The following DNAH9 variants were observed in gnomAD, a reference collection of about 807,000 sequenced individuals.
DNAH9 encodes the protein dynein axonemal heavy chain 9, also known as DNAH9 variant protein.
A neutral mutation model predicts 471.6 loss-of-function variants in DNAH9; 345 were observed. The ratio of observed to expected loss-of-function variants is 0.73; its 90% CI spans 0.67 to 0.80. DNAH9 has a LOEUF of 0.80. DNAH9 is among the 30% of genes least tolerant of loss of function. DNAH9 has a pLI of 0.00. For missense variants in DNAH9, 5,407 were observed against 5,609.2 expected, an observed-to-expected ratio of 0.96 and a Z score of 1.15; for synonymous variants, 2,093 against 2,123.6, an observed-to-expected ratio of 0.99 and a Z score of 0.40.
At chr17:11,634,900 C>T (rs1217713211) in intron 8 of DNAH9, among the ~76,000 whole-genome samples, 1 of 151,642 alleles carries the variant, frequency 6.6e-6, no homozygotes, top group Non-Finnish European at 1.5e-5. Flanking sequence ...GCACTCCCTC[C>T]AGGATTGGGA....
rs758936588 is a variant in DNAH9, at chr17:11,881,261, A to G, written c.10654A>G (p.Ile3552Val). 22 of 1,614,196 alleles carry G rather than the reference A, an allele frequency of 1.4e-5. No homozygotes were observed. Among genetic ancestry groups the G allele is most frequent in the Non-Finnish European group, 1.9e-5 (22 of 1,180,032 alleles). The change falls in exon 55 of 69, where the codon ATC becomes GTC. Residue 3552 changes from isoleucine (I) to valine (V), a missense_variant. This residue lies in a region of DNAH9 where 4,636 missense variants were observed against 4,900.3 expected (regional missense o/e 0.95). Transcript: ENST00000262442. ...ECEYNPKFRLILHTKLANPHY... is the reference protein window; with the variant it reads ...ECEYNPKFRLVLHTKLANPHY... ...TGAATACAATCCCAAGTTCCGGCTC[A>G]TCCTCCACACCAAGCTGGCTAATCC...
At chr17:11,869,101 T>C in intron 50 of DNAH9, 33 bp from the exon 51 acceptor site, 1 of 1,607,930 alleles carries the variant, frequency 6.2e-7, no homozygotes, top group Non-Finnish European at 8.5e-7. Context: ...TGGGCCGAAA[T>C]GACTGATGGT....
intron 26 of DNAH9, among the ~76,000 whole-genome samples, chr17:11,711,488 GT>G (rs548218821): frequency 6.9e-4 from 105 of 152,174 alleles, no homozygotes; most frequent in African/African-American, 2.5e-3. Flanking sequence ...TCAAAACTAT[GT>G]ATTCTGTTCC....
chr17:11,944,519 A>G, intron 67 of DNAH9, among the ~76,000 whole-genome samples: 1 of 152,170 alleles, frequency 6.6e-6, no homozygotes, highest in East Asian at 1.9e-4. Flanking sequence ...CTGCAGCTAC[A>G]GGCCCACTCA....
chr17:11,874,262 A>G (rs1365306742), intron 52 of DNAH9, among the ~76,000 whole-genome samples: 2 of 151,590 alleles, frequency 1.3e-5, no homozygotes, highest in African/African-American at 4.8e-5. Context: ...AAAAAAAAGA[A>G]CTGAGTGAGC....
At chr17:11,721,148 G>C (rs542362365) in intron 27 of DNAH9, among the ~76,000 whole-genome samples, 18 of 152,228 alleles carry the variant, frequency 1.2e-4, no homozygotes, top group Non-Finnish European at 2.9e-5. Flanking sequence ...TGGTGAGTTG[G>C]CTAGGGGTCA....
intron 48 of DNAH9, among the ~76,000 whole-genome samples, chr17:11,827,262 C>A (rs1970530526): frequency 6.6e-6 from 1 of 152,194 alleles, no homozygotes; most frequent in East Asian, 1.9e-4. Context: ...CTATAAAATA[C>A]CCGAGGCTGG....
chr17:11,610,520 AC>A lies in DNAH9; in HGVS notation c.743del (p.Pro248LeufsTer15), dbSNP rs2072612784. The A allele has an allele frequency of 1.2e-6, 2 of 1,612,934 alleles. No homozygotes were observed. The highest frequency in any genetic ancestry group is 1.1e-5 in the South Asian group (1 of 91,018). On this transcript the variant is annotated frameshift_variant, in exon 3 of 69. Coordinates refer to ENST00000262442, the MANE Select transcript of DNAH9 (RefSeq NM_001372.4). LOFTEE classifies it high-confidence loss of function. ...SQPLLQGENP[T>X]PKVELEFWKS... is the part of the protein sequence containing the mutation. ...GCCACTCTTACAAGGGGAGAATCCC[AC>A]CCCTAAGGTGGAGTTGGAGTTCTGG...
At chr17:11,624,275 G>A (rs553365277) in intron 6 of DNAH9, among the ~76,000 whole-genome samples, 27 of 152,332 alleles carry the variant, frequency 1.8e-4, no homozygotes, top group Non-Finnish European at 2.6e-4. Flanking sequence ...TTGGGAGGCC[G>A]AGGTGGTGGG....
At chr17:11,741,416 C>T (rs1239920600) in intron 29 of DNAH9, among the ~76,000 whole-genome samples, 1 of 152,084 alleles carries the variant, frequency 6.6e-6, no homozygotes, top group Non-Finnish European at 1.5e-5. Context: ...GTTTTGCTAT[C>T]GAAAGTAATG....
intron 7 of DNAH9, among the ~76,000 whole-genome samples, chr17:11,631,616 G>A (rs1166320054): frequency 2.0e-5 from 3 of 150,044 alleles, no homozygotes; most frequent in Non-Finnish European, 4.4e-5. Flanking sequence ...ACTCCAGCCT[G>A]GGTGACAGAG....
At chr17:11,767,570 G>C (rs1035205994) in intron 36 of DNAH9, among the ~76,000 whole-genome samples, 1 of 152,038 alleles carries the variant, frequency 6.6e-6, no homozygotes. Context: ...TGCCCTCCAT[G>C]AATATTTCCT....
intron 65 of DNAH9, among the ~76,000 whole-genome samples, chr17:11,934,910 A>G (rs1974654728): frequency 6.6e-6 from 1 of 152,158 alleles, no homozygotes; most frequent in Admixed American, 6.5e-5. Flanking sequence ...GGTGGCTATG[A>G]ACACAGGCAC....
intron 27 of DNAH9, among the ~76,000 whole-genome samples, chr17:11,726,910 T>C (rs1177522977): frequency 1.3e-5 from 2 of 152,000 alleles, no homozygotes; most frequent in Non-Finnish European, 2.9e-5. Flanking sequence ...TAGCCAGGCA[T>C]GGTGGTGCAC....
intron 26 of DNAH9, among the ~76,000 whole-genome samples, chr17:11,712,064 TTGTATA>T (rs1317710771): frequency 2.2e-4 from 1 of 4,476 alleles, no homozygotes; most frequent in Admixed American, 0.015. Flanking sequence ...ATATATATAT[TTGTATA>T]TATATAAATA....
In DNAH9 at chr17:11,881,261, A is replaced by C; in HGVS notation, c.10654A>C (p.Ile3552Leu). 1.2e-6 allele frequency: 2 copies of C among 1,614,196 alleles called. No individual in the cohort carries two copies. Among genetic ancestry groups the C allele is most frequent in the Non-Finnish European group, 1.7e-6 (2 of 1,180,032 alleles). ...TGAATACAATCCCAAGTTCCGGCTC[A>C]TCCTCCACACCAAGCTGGCTAATCC... ...ECEYNPKFRLILHTKLANPHY... is the reference protein window; with the variant it reads ...ECEYNPKFRLLLHTKLANPHY... Residue 3552 changes from isoleucine (I) to leucine (L), a missense_variant, in exon 55 of 69, where the codon ATC (isoleucine) becomes CTC (leucine). Physicochemically the swap from Ile to Leu is conservative, Grantham distance 5. This residue lies in a region of DNAH9 where 4,636 missense variants were observed against 4,900.3 expected (regional missense o/e 0.95). Transcript: ENST00000262442.
At chr17:11,964,714 G>A (rs1172918569) in intron 68 of DNAH9, among the ~76,000 whole-genome samples, 1 of 152,096 alleles carries the variant, frequency 6.6e-6, no homozygotes, top group Non-Finnish European at 1.5e-5. Context: ...CTTTTAACTT[G>A]TCTATTCCCA....
At chr17:11,622,010 C>T (rs147059333) in intron 6 of DNAH9, among the ~76,000 whole-genome samples, 1,856 of 150,636 alleles carry the variant, frequency 0.012, 38 homozygotes, top group African/African-American at 0.043. Flanking sequence ...CACTTGAACC[C>T]GGGAGGCAGA....
intron 62 of DNAH9, among the ~76,000 whole-genome samples, chr17:11,928,853 G>T (rs1974411481): frequency 6.6e-6 from 1 of 152,092 alleles, no homozygotes; most frequent in South Asian, 2.1e-4. Context: ...TCATTAAAAG[G>T]CGCTGATTCA....
Sources: allele counts gnomAD v4.1 joint callset (sites outside exome capture counted in the v4.1 genomes callset), GRCh38; gene constraint gnomAD v4.1.1; regional missense constraint gnomAD v4.1.1; transcripts MANE v1.5; gene names NCBI Gene and HGNC (gene_info 2026-07-23, HGNC 2026-07-21).